The following VIPAS39 variants were observed in gnomAD, a reference collection of about 807,000 sequenced individuals.
VIPAS39 encodes VPS33B interacting protein, apical-basolateral polarity regulator, spe-39 homolog.
VIPAS39 carries 63 observed loss-of-function variants against 84.7 expected under a neutral mutation model. The ratio of observed to expected loss-of-function variants is 0.74; its 90% CI spans 0.61 to 0.92. The LOEUF (loss-of-function observed/expected upper bound fraction) is 0.92. Ranked by LOEUF, VIPAS39 falls within the 40% of genes least tolerant of loss-of-function variation. The pLI, the probability that VIPAS39 is intolerant of heterozygous loss-of-function variation, is 0.00. For synonymous variants in VIPAS39, 192 were observed against 216.5 expected (o/e 0.89, Z 0.99); for missense variants, 499 against 604.5 (o/e 0.83, Z 1.83).
intron 7 of VIPAS39, among the ~76,000 whole-genome samples, chr14:77,447,987 T>A (rs1436104730): frequency 2.1e-5 from 3 of 144,652 alleles, no homozygotes; most frequent in East Asian, 4.0e-4. Flanking sequence ...TGAGACGGAG[T>A]CTCACTCACC....
Position 77,449,747 on chromosome 14 carries a change from T to A in VIPAS39, c.349A>T (p.Thr117Ser). ...YSLSSFFRGR[T>S]RPGSFQSLSD... The stretch of plus-strand genomic sequence containing the variant: ...AGGGACTGGAAACTTCCAGGTCTAG[T>A]TCTACCTAAAGGTAAAGAACACAAG... Residue 117 changes from threonine (T) to serine (S), a missense_variant, in exon 5 of 20, where the codon ACT (threonine) becomes TCT (serine). Transcript: ENST00000557658. The A allele has an allele frequency of 1.2e-6, 2 of 1,614,146 alleles. No individual in the cohort carries two copies. The highest frequency in any genetic ancestry group is 1.7e-6 in the Non-Finnish European group (2 of 1,180,012).
chr14:77,452,751 G>C (rs1334188526), intron 3 of VIPAS39, among the ~76,000 whole-genome samples: 3 of 120,418 alleles, frequency 2.5e-5, no homozygotes, highest in Non-Finnish European at 3.2e-5. Context: ...TTGCACTCCA[G>C]ACTAGGCAAC....
At chr14:77,443,212 A>C in intron 8 of VIPAS39, 60 bp from the exon 9 acceptor site, 1 of 1,597,132 alleles carries the variant, frequency 6.3e-7, no homozygotes, top group African/African-American at 1.3e-5. Context: ...TGCCCTGAGC[A>C]CTACAGACAC....
intron 1 of VIPAS39, among the ~76,000 whole-genome samples, chr14:77,456,710 T>A (rs753995308): frequency 5.9e-5 from 9 of 152,234 alleles, no homozygotes; most frequent in African/African-American, 2.2e-4. Flanking sequence ...CAGATAGACA[T>A]AGAATGTGTC....
At position 77,429,842 on chromosome 14, in the gene VIPAS39, G is replaced by A. The variant is rs184535012; in HGVS notation, c.1180-75C>T. The A allele has an allele frequency of 1.4e-4, 189 of 1,306,056 alleles. 1 individual carries two copies. In the African/African-American group the frequency reaches 1.8e-3, roughly 13 times the overall value. 80.9% of individuals were successfully genotyped at this position (1,306,056 alleles called of 1,614,324 possible). On this transcript the variant is annotated intron_variant, in intron 16 of 19. Coordinates refer to ENST00000557658, the MANE Select transcript of VIPAS39 (RefSeq NM_001193315.2). ...CATTCTAGGTTAGTCTATGTTTTAC[G>A]ATCAGACCAGAATAATGTGGTGGGT... is the stretch of plus-strand genomic sequence containing the variant.
chr14:77,444,442 C>T, intron 7 of VIPAS39, 101 bp from the exon 8 acceptor site: 1 of 1,046,902 alleles, frequency 9.6e-7, no homozygotes, highest in Non-Finnish European at 1.4e-6. Flanking sequence ...AAAATGTCCC[C>T]AAGGAGAGTC....
chr14:77,436,977 G>A (rs74960875), intron 12 of VIPAS39, among the ~76,000 whole-genome samples: 4,481 of 152,284 alleles, frequency 0.029, 213 homozygotes, highest in African/African-American at 0.1. Context: ...GAGATAAAGA[G>A]AGATGCTATA....
chr14:77,443,351 G>A (rs1008080832), intron 8 of VIPAS39, among the ~76,000 whole-genome samples, 199 bp from the exon 9 acceptor site: 5 of 152,180 alleles, frequency 3.3e-5, no homozygotes, highest in Non-Finnish European at 1.5e-5. Context: ...CCATGCTGCT[G>A]AGAGACACCT....
intron 3 of VIPAS39, among the ~76,000 whole-genome samples, chr14:77,451,802 C>T (rs930909672): frequency 1.3e-5 from 2 of 152,210 alleles, no homozygotes; most frequent in African/African-American, 4.8e-5. Flanking sequence ...CCATTAGTCC[C>T]CTATAAGATG....
intron 3 of VIPAS39, among the ~76,000 whole-genome samples, 195 bp downstream of exon 3, chr14:77,453,104 T>C (rs1230134298): frequency 1.3e-5 from 2 of 152,202 alleles, no homozygotes; most frequent in Non-Finnish European, 2.9e-5. Flanking sequence ...AGCAGACCTA[T>C]ATAGCCATGT....
At chr14:77,435,077 C>T (rs1410765655) in intron 14 of VIPAS39, 182 bp downstream of exon 14, 2 of 853,500 alleles carry the variant, frequency 2.3e-6, no homozygotes, top group Non-Finnish European at 3.7e-6. Context: ...ACCTTACAAA[C>T]CTCTTTTCCC....
intron 10 of VIPAS39, among the ~76,000 whole-genome samples, chr14:77,442,056 A>G (rs1478903997): frequency 6.6e-6 from 1 of 152,032 alleles, no homozygotes; most frequent in Non-Finnish European, 1.5e-5. Context: ...GACTGAAAAT[A>G]TTTTCTTCTT....
intron 16 of VIPAS39, 90 bp from the exon 17 acceptor site, chr14:77,429,857 A>G (rs1489863798): frequency 1.7e-6 from 2 of 1,160,258 alleles, no homozygotes; most frequent in African/African-American, 1.5e-5. Context: ...GACCAGAATA[A>G]TGTGGTGGGT....
At chr14:77,444,754 T>C (rs1250197222) in intron 7 of VIPAS39, among the ~76,000 whole-genome samples, 2 of 151,550 alleles carry the variant, frequency 1.3e-5, no homozygotes, top group Non-Finnish European at 2.9e-5. Flanking sequence ...TTTTTAGTAA[T>C]TTAATTTTTA....
intron 7 of VIPAS39, among the ~76,000 whole-genome samples, chr14:77,447,745 C>T (rs2078815569): frequency 6.6e-6 from 1 of 152,184 alleles, no homozygotes; most frequent in African/African-American, 2.4e-5. Flanking sequence ...ACTACAACCT[C>T]CACTTCCCAG....
intron 12 of VIPAS39, 54 bp downstream of exon 12, chr14:77,437,754 A>T (rs2078636489): frequency 6.4e-7 from 1 of 1,572,750 alleles, no homozygotes; most frequent in Non-Finnish European, 8.8e-7. Flanking sequence ...AATTTTCTTC[A>T]TTCCTTCTGG....
chr14:77,434,161 T>C (rs2078567465), intron 15 of VIPAS39, 101 bp downstream of exon 15: 9 of 1,336,280 alleles, frequency 6.7e-6, no homozygotes, highest in Admixed American at 6.7e-5. Context: ...ACCTTTAACC[T>C]TGAATATCAA....
At chr14:77,435,044 T>C in intron 14 of VIPAS39, 1 of 629,948 alleles carries the variant, frequency 1.6e-6, no homozygotes, top group Non-Finnish European at 2.7e-6. Flanking sequence ...TATGCTAGCA[T>C]GCCAGCTCAC....
At position 77,427,639 on chromosome 14, in the gene VIPAS39, G is replaced by A. The variant is rs1380467494; in HGVS notation, c.1462-3C>T. 4 of 1,614,090 alleles carry A rather than the reference G, an allele frequency of 2.5e-6. No homozygotes were observed. Among genetic ancestry groups the A allele is most frequent in the African/African-American group, 2.7e-5 (2 of 74,920 alleles). ...ACTTAATTCTTCCATCGAATTTGCT[G>A]TGGAAAGAGGAAACAATGAAAGTGT... On this transcript the variant is annotated splice_polypyrimidine_tract_variant and splice_region_variant and intron_variant, in intron 19 of 19. Transcript: ENST00000557658.
Sources: gnomAD v4.1 joint callset for allele counts (sites outside exome capture counted in the v4.1 genomes callset) on GRCh38, gnomAD v4.1.1 for gene constraint, MANE v1.5 for transcripts, NCBI Gene and HGNC (gene_info 2026-07-23, HGNC 2026-07-21) for gene names.